The following ANO3 variants were observed in gnomAD, a reference collection of about 807,000 sequenced individuals.
The protein encoded by ANO3 is anoctamin-3.
A neutral mutation model predicts 144.8 loss-of-function variants in ANO3; 99 were observed. The observed-to-expected ratio is 0.68, with a 90% CI of 0.58 to 0.81. ANO3 has a LOEUF of 0.81. Among genes scored for constraint, ANO3 ranks in the 30% least tolerant of loss-of-function variants. ANO3 has a pLI of 0.00. For synonymous variants in ANO3, 414 were observed against 392.6 expected, an observed-to-expected ratio of 1.05 and a Z score of -0.64; for missense variants, 905 against 1,202.2, an observed-to-expected ratio of 0.75 and a Z score of 3.66.
At chr11:26,293,239 A>C (rs1854000993) in intron 1 of ANO3, among the ~76,000 whole-genome samples, 1 of 152,000 alleles carries the variant, frequency 6.6e-6, no homozygotes, top group African/African-American at 2.4e-5. Flanking sequence ...AATAAGCAAA[A>C]CCTAAATAAA....
chr11:26,523,007 G>GGTTT (rs1394597264), intron 6 of ANO3, among the ~76,000 whole-genome samples: 2 of 152,142 alleles, frequency 1.3e-5, no homozygotes, highest in Non-Finnish European at 2.9e-5. Context: ...AAACGGAAAT[G>GGTTT]GTTTAATTGA....
chr11:26,534,323 AT>A (rs907875716), intron 8 of ANO3, 132 bp from the exon 9 acceptor site: 270 of 529,006 alleles, frequency 5.1e-4, no homozygotes, highest in Middle Eastern at 1.0e-3. Flanking sequence ...TTCTCTGTCA[AT>A]TTTTTTTTAA....
intron 1 of ANO3, among the ~76,000 whole-genome samples, chr11:26,358,733 T>C (rs770074065): frequency 6.6e-6 from 1 of 152,142 alleles, no homozygotes; most frequent in Non-Finnish European, 1.5e-5. Flanking sequence ...GTTACACATG[T>C]ATTAAGCTAT....
chr11:26,521,846 C>G (rs1303334054), intron 6 of ANO3, among the ~76,000 whole-genome samples: 1 of 152,156 alleles, frequency 6.6e-6, no homozygotes. Context: ...AGCTCTTTCT[C>G]CCACAAATAT....
chr11:26,370,684 A>G (rs533885573), intron 1 of ANO3, among the ~76,000 whole-genome samples: 2 of 152,318 alleles, frequency 1.3e-5, no homozygotes, highest in South Asian at 4.1e-4. Context: ...AAAGTCTGTT[A>G]GTAATATGGA....
At chr11:26,370,743 T>G (rs1856230603) in intron 1 of ANO3, among the ~76,000 whole-genome samples, 1 of 152,180 alleles carries the variant, frequency 6.6e-6, no homozygotes, top group African/African-American at 2.4e-5. Context: ...AGGCACTTGT[T>G]GGAAACTGGA....
Position 26,250,390 on chromosome 11 carries a change from A to G in ANO3, c.155-59255A>G, listed in dbSNP as rs146482511. Among the ~76,000 whole-genome samples the G allele has an allele frequency of 7.2e-3, 1,092 of 152,336 alleles. 12 individuals carry two copies. The highest frequency in any genetic ancestry group is 0.025 in the African/African-American group (1,032 of 41,580). On this transcript the variant is annotated intron_variant, in intron 1 of 27. Transcript: ENST00000672621. The stretch of plus-strand genomic sequence containing the variant: ...ATTTTTATTATATCCTGAGCTGAAG[A>G]GGACCACAACAGTCTCTGGCATCCA...
intron 1 of ANO3, among the ~76,000 whole-genome samples, chr11:26,341,290 G>T (rs2133900313): frequency 6.6e-6 from 1 of 152,220 alleles, no homozygotes. Context: ...TTAGGTTTGT[G>T]TTTCCTTATA....
intron 1 of ANO3, among the ~76,000 whole-genome samples, chr11:26,380,424 C>G (rs1381528225): frequency 6.6e-6 from 1 of 152,154 alleles, no homozygotes; most frequent in Non-Finnish European, 1.5e-5. Context: ...TTATAAAAAA[C>G]AGAAATGTAT....
At chr11:26,276,812 A>G (rs58109899) in intron 1 of ANO3, among the ~76,000 whole-genome samples, 5,309 of 152,194 alleles carry the variant, frequency 0.035, 184 homozygotes, top group African/African-American at 0.09. Flanking sequence ...GGTTTTCATT[A>G]CTTTTGGGCT....
chr11:26,309,609 G>A, exon 1 of ANO3: 1 of 963,664 alleles, frequency 1.0e-6, no homozygotes, highest in Non-Finnish European at 1.2e-6. Context: ...GAGTTTCTGA[G>A]CAATTTTTAT....
chr11:26,376,181 A>G (rs945601059), intron 1 of ANO3, among the ~76,000 whole-genome samples: 1 of 152,132 alleles, frequency 6.6e-6, no homozygotes, highest in Non-Finnish European at 1.5e-5. Context: ...GTGGGTGAAA[A>G]AGAGTGAAAT....
At chr11:26,319,858 T>TATCA (rs143492488) in intron 1 of ANO3, among the ~76,000 whole-genome samples, 8,800 of 152,210 alleles carry the variant, frequency 0.058, 451 homozygotes, top group African/African-American at 0.14. Flanking sequence ...ATTTTATTTT[T>TATCA]ATCAATGTAC....
chr11:26,461,508 AT>A (rs1475220360), intron 3 of ANO3, among the ~76,000 whole-genome samples: 1 of 152,030 alleles, frequency 6.6e-6, no homozygotes, highest in Non-Finnish European at 1.5e-5. Flanking sequence ...CATACTTAAT[AT>A]TTTACTTATT....
At chr11:26,609,834 T>G (rs928162232) in intron 17 of ANO3, among the ~76,000 whole-genome samples, 3 of 152,270 alleles carry the variant, frequency 2.0e-5, no homozygotes, top group Non-Finnish European at 4.4e-5. Flanking sequence ...CCACAGTGGC[T>G]ATACTAATTT....
chr11:26,453,662 A>T (rs1174628997), intron 3 of ANO3, among the ~76,000 whole-genome samples: 4 of 152,154 alleles, frequency 2.6e-5, no homozygotes, highest in Non-Finnish European at 5.9e-5. Flanking sequence ...TCAACATTAG[A>T]CAGATCAACG....
chr11:26,651,079 A>T (rs1416473936), intron 24 of ANO3, among the ~76,000 whole-genome samples: 1 of 152,208 alleles, frequency 6.6e-6, no homozygotes, highest in Non-Finnish European at 1.5e-5. Flanking sequence ...ATAAAAATAA[A>T]TGGTGATATT....
chr11:26,340,675 A>G (rs949611116), intron 1 of ANO3, among the ~76,000 whole-genome samples: 1 of 152,222 alleles, frequency 6.6e-6, no homozygotes, highest in Non-Finnish European at 1.5e-5. Context: ...AGTGAACTAT[A>G]GTAAATTGCC....
In ANO3 at chr11:26,246,738, T is replaced by TG. The variant is rs1213763185; in HGVS notation, c.154+57413dup. 3.3e-5 allele frequency among the ~76,000 whole-genome samples: 5 copies of TG among 151,936 alleles called. No individual in the cohort carries two copies. In the South Asian group the frequency reaches 8.3e-4, roughly 25 times the overall value. On this transcript the variant is annotated intron_variant, in intron 1 of 27. Coordinates refer to the ANO3 transcript ENST00000672621. ...GACGTGGTGGGAGGTAATTGAGTCA[T>TG]GGGGGTGGGTTTTTCCTGTGCTGTT...
Sources: gnomAD v4.1 joint callset for allele counts (sites outside exome capture counted in the v4.1 genomes callset) on GRCh38, gnomAD v4.1.1 for gene constraint, MANE v1.5 for transcripts, NCBI Gene and HGNC (gene_info 2026-07-23, HGNC 2026-07-21) for gene names.